NAV3: variants seen among roughly 807,000 people sequenced by gnomAD.
NAV3 encodes the protein pore membrane and/or filament interacting like protein 1.
A neutral mutation model predicts 244.7 loss-of-function variants in NAV3; 87 were observed. The ratio of observed to expected loss-of-function variants is 0.36; its 90% confidence interval spans 0.30 to 0.42. NAV3 has a LOEUF of 0.42. Ranked by LOEUF, NAV3 falls within the 20% of genes least tolerant of loss-of-function variation. NAV3 has a pLI of 1.00. For synonymous variants in NAV3, 1,126 were observed against 1,042.2 expected, an observed-to-expected ratio of 1.08 and a Z score of -1.55; for missense variants, 2,663 against 2,893.3, an observed-to-expected ratio of 0.92 and a Z score of 1.83.
At chr12:77,646,462 TTC>T (rs931452011) in intron 2 of NAV3, among the ~76,000 whole-genome samples, 1 of 147,930 alleles carries the variant, frequency 6.8e-6, no homozygotes, top group Non-Finnish European at 1.5e-5. Flanking sequence ...GAAGGCGTTC[TTC>T]TCTCTCTCTT....
chr12:78,113,763 T>C (rs1002435808), intron 12 of NAV3, among the ~76,000 whole-genome samples: 3 of 152,236 alleles, frequency 2.0e-5, no homozygotes, highest in African/African-American at 7.2e-5. Flanking sequence ...ATTTGGCTCA[T>C]AGTTACTTAT....
chr12:78,092,267 T>C (rs955353747), intron 12 of NAV3, among the ~76,000 whole-genome samples: 1 of 152,088 alleles, frequency 6.6e-6, no homozygotes, highest in African/African-American at 2.4e-5. Context: ...GTATAACAGG[T>C]TTAAATACAA....
chr12:77,744,300 A>C (rs1238317191), intron 2 of NAV3, among the ~76,000 whole-genome samples: 1 of 152,010 alleles, frequency 6.6e-6, no homozygotes, highest in African/African-American at 2.4e-5. Flanking sequence ...CAATGATGCC[A>C]AGGCAATTCT....
intron 5 of NAV3, among the ~76,000 whole-genome samples, chr12:77,969,837 CAA>C (rs1892848742): frequency 2.2e-4 from 1 of 4,634 alleles, no homozygotes; most frequent in African/African-American, 6.2e-4. Context: ...CTAAAGTAAA[CAA>C]ACAAACAAAC....
intron 2 of NAV3, among the ~76,000 whole-genome samples, chr12:77,682,609 A>C (rs1019649177): frequency 6.6e-6 from 1 of 152,162 alleles, no homozygotes; most frequent in Admixed American, 6.6e-5. Flanking sequence ...ACTAATGTAC[A>C]TTCACACCAA....
chr12:77,941,996 C>A (rs1275935479), intron 3 of NAV3, among the ~76,000 whole-genome samples: 1 of 152,114 alleles, frequency 6.6e-6, no homozygotes, highest in African/African-American at 2.4e-5. Context: ...ATATACTGAC[C>A]TACTTTACTT....
intron 2 of NAV3, among the ~76,000 whole-genome samples, chr12:77,595,315 T>C (rs1420744011): frequency 6.6e-6 from 1 of 152,118 alleles, no homozygotes; most frequent in African/African-American, 2.4e-5. Flanking sequence ...TACTGCATGA[T>C]CTCACATATA....
intron 1 of NAV3, among the ~76,000 whole-genome samples, chr12:77,897,116 A>G (rs953344490): frequency 4.6e-5 from 7 of 152,202 alleles, no homozygotes; most frequent in Admixed American, 1.3e-4. Flanking sequence ...GTCTCATAAT[A>G]TATTTGACAA....
In NAV3 at chr12:78,118,042, G is replaced by A; in HGVS notation, c.2785G>A (p.Glu929Lys). The change falls in exon 14 of 40, where the codon GAG becomes AAG. Residue 929 changes from glutamate to lysine, a missense_variant. Glu to Lys is a moderately conservative substitution (Grantham distance 56). Transcript: ENST00000397909. Reference sequence around the variant, plus strand: ...GTCTTTATAGCTGAGGACAGATTCAGAGAAACGCTCCACCACAGACGAGAC... The same window carrying A: ...GTCTTTATAGCTGAGGACAGATTCAAAGAAACGCTCCACCACAGACGAGAC... Reference protein sequence around the residue: ...RKNTQLRTDSEKRSTTDETWD... With the variant: ...RKNTQLRTDSKKRSTTDETWD... 6.2e-7 allele frequency: 1 copy of A among 1,609,454 alleles called. No individual in the cohort carries two copies. Among genetic ancestry groups the A allele is most frequent in the East Asian group, 2.2e-5 (1 of 44,822 alleles).
chr12:78,084,906 T>C (rs371201171), intron 12 of NAV3, among the ~76,000 whole-genome samples: 7 of 152,134 alleles, frequency 4.6e-5, no homozygotes, highest in East Asian at 3.9e-4. Context: ...TTTTTTCCTC[T>C]TGTAAAATTA....
At chr12:77,977,712 G>GCGCACACACACACACA (rs1349366739) in intron 5 of NAV3, among the ~76,000 whole-genome samples, 1 of 143,000 alleles carries the variant, frequency 7.0e-6, no homozygotes, top group Admixed American at 6.9e-5. Context: ...ACACACACGC[G>GCGCACACACACACACA]CACACACACA....
intron 2 of NAV3, among the ~76,000 whole-genome samples, chr12:77,721,183 G>T (rs912528303): frequency 6.6e-6 from 1 of 152,090 alleles, no homozygotes; most frequent in Non-Finnish European, 1.5e-5. Context: ...ATGAAGTGTG[G>T]ATATTGTCGA....
At chr12:77,656,353 G>T (rs1241586282) in intron 2 of NAV3, among the ~76,000 whole-genome samples, 2 of 125,174 alleles carry the variant, frequency 1.6e-5, no homozygotes, top group Admixed American at 1.6e-4. Context: ...GATCAAAAGA[G>T]ACAAAGAAGG....
intron 2 of NAV3, among the ~76,000 whole-genome samples, chr12:77,687,609 A>C (rs1051367876): frequency 1.3e-5 from 2 of 152,168 alleles, no homozygotes; most frequent in African/African-American, 4.8e-5. Context: ...GAGTTGCTCA[A>C]TAACAGATCA....
chr12:78,043,633 G>A (rs567555287), intron 9 of NAV3, among the ~76,000 whole-genome samples: 1 of 152,218 alleles, frequency 6.6e-6, no homozygotes, highest in South Asian at 2.1e-4. Context: ...TCTAACCGGC[G>A]TGAGATGGTA....
At chr12:77,581,687 A>G (rs1367965428) in intron 2 of NAV3, among the ~76,000 whole-genome samples, 2 of 152,178 alleles carry the variant, frequency 1.3e-5, no homozygotes, top group Non-Finnish European at 2.9e-5. Context: ...ATCCACTCAA[A>G]TTAGTAATCC....
In NAV3 at chr12:78,078,375, CTTTTTTTTTTTTTTTTTTTTTT is replaced by C. The variant is rs71088356; in HGVS notation, c.2636+19277_2636+19298del. On this transcript the variant is annotated intron_variant, in intron 12 of 39. Coordinates refer to ENST00000397909, the MANE Select transcript of NAV3 (RefSeq NM_001024383.2). ...AGAGTTGCATTTCACTCTTTCCACT[CTTTTTTTTTTTTTTTTTTTTTT>C]TTTTTTTTTTTTTTTTGAGACGGAG... Among the ~76,000 whole-genome samples the C allele has an allele frequency of 3.1e-4, 21 of 67,846 alleles. 1 individual carries two copies. Among genetic ancestry groups the C allele is most frequent in the African/African-American group, 7.2e-4 (12 of 16,566 alleles). The allele number at this position is 67,846 out of a possible 152,430, so 44.5% of individuals were successfully genotyped here.
At chr12:77,789,589 C>T (rs1013672031) in intron 2 of NAV3, among the ~76,000 whole-genome samples, 4 of 151,376 alleles carry the variant, frequency 2.6e-5, no homozygotes, top group African/African-American at 9.7e-5. Flanking sequence ...GCGGGTGGAT[C>T]ACCTGAGGTC....
intron 1 of NAV3, among the ~76,000 whole-genome samples, chr12:77,893,469 G>A (rs1884191328): frequency 6.6e-6 from 1 of 151,946 alleles, no homozygotes; most frequent in Non-Finnish European, 1.5e-5. Context: ...TATTAGAGTT[G>A]AAATGCATAG....
Sources: gnomAD v4.1 joint callset for allele counts (sites outside exome capture counted in the v4.1 genomes callset) on GRCh38, gnomAD v4.1.1 for gene constraint, MANE v1.5 for transcripts, NCBI Gene and HGNC (gene_info 2026-07-23, HGNC 2026-07-21) for gene names.